SLC25A26: variants seen among roughly 807,000 people sequenced by gnomAD.
SLC25A26 encodes the protein mitochondrial S-adenosylmethionine carrier protein.
In SLC25A26, 36 loss-of-function variants were observed where a neutral mutation model predicts 37.8. The ratio of observed to expected loss-of-function variants is 0.95; its 90% CI spans 0.73 to 1.26. The LOEUF is 1.26. SLC25A26 is among the 50% of genes most tolerant of loss of function. SLC25A26 has a pLI of 0.00. For missense variants in SLC25A26, 390 were observed against 331.1 expected, an observed-to-expected ratio of 1.18 and a Z score of -1.38; for synonymous variants, 129 against 122.5, an observed-to-expected ratio of 1.05 and a Z score of -0.35.
chr3:66,189,793 C>T (rs1373183666), intron 1 of SLC25A26, among the ~76,000 whole-genome samples: 1 of 152,070 alleles, frequency 6.6e-6, no homozygotes, highest in Non-Finnish European at 1.5e-5. Flanking sequence ...TCCTGAGTGG[C>T]TGGGACTACA....
At chr3:66,356,161 G>T (rs2076570813) in intron 6 of SLC25A26, 4 of 442,392 alleles carry the variant, frequency 9.0e-6, no homozygotes, top group South Asian at 4.9e-5. Flanking sequence ...TATTTGGGTG[G>T]GTCTTTTAAA....
intron 6 of SLC25A26, among the ~76,000 whole-genome samples, chr3:66,357,865 A>G (rs2076612459): frequency 6.6e-6 from 1 of 152,212 alleles, no homozygotes; most frequent in Non-Finnish European, 1.5e-5. Context: ...AGGACGAACC[A>G]GCCTCAGTTT....
At chr3:66,262,186 T>C in intron 4 of SLC25A26, 31 bp downstream of exon 4, 1 of 1,182,004 alleles carries the variant, frequency 8.5e-7, no homozygotes, top group Middle Eastern at 1.9e-4. Flanking sequence ...TCTTCTTTTC[T>C]TTATTAAGAT....
intron 7 of SLC25A26, among the ~76,000 whole-genome samples, chr3:66,363,134 T>C (rs772744922): frequency 6.6e-6 from 1 of 151,980 alleles, no homozygotes; most frequent in Non-Finnish European, 1.5e-5. Context: ...ACAACCAATT[T>C]GTTTTTGACA....
Position 66,221,050 on chromosome 3 carries a change from T to C in SLC25A26, c.-45T>C. ...CCCAGCGCGCGAGGACGTGATCCGC[T>C]TCTGCTCCGGCTTGGATTGTAGCCT... On this transcript the variant is annotated 5_prime_UTR_variant, in exon 1 of 10. Coordinates refer to ENST00000354883, the MANE Select transcript of SLC25A26 (RefSeq NM_001379210.1). 2.0e-6 allele frequency: 3 copies of C among 1,535,242 alleles called. No individual in the cohort carries two copies. Among genetic ancestry groups the C allele is most frequent in the Non-Finnish European group, 2.6e-6 (3 of 1,145,626 alleles).
At chr3:66,237,674 G>C (rs1293981015) in intron 2 of SLC25A26, among the ~76,000 whole-genome samples, 1 of 152,148 alleles carries the variant, frequency 6.6e-6, no homozygotes, top group East Asian at 1.9e-4. Context: ...TCTGCTTCTT[G>C]GTATACTGTT....
chr3:66,353,474 A>G (rs776830817), intron 6 of SLC25A26, among the ~76,000 whole-genome samples: 12 of 152,362 alleles, frequency 7.9e-5, no homozygotes, highest in South Asian at 4.1e-4. Context: ...GTTCAGATCT[A>G]ACTCCAGACT....
intron 6 of SLC25A26, chr3:66,355,904 A>G (rs2076563625): frequency 2.4e-6 from 1 of 425,292 alleles, no homozygotes; most frequent in South Asian, 1.7e-5. Flanking sequence ...ACTAAGCATT[A>G]TCCTTTCCAT....
At chr3:66,355,955 G>C (rs2076564653) in intron 6 of SLC25A26, 2 of 449,594 alleles carry the variant, frequency 4.4e-6, no homozygotes, top group African/African-American at 4.0e-5. Context: ...ATTTGGAATT[G>C]AGTAGATGAT....
rs536896595 is a variant in SLC25A26 at position 66,275,351 on chromosome 3, GTAAC to G, written c.453+11977_453+11980del. ...ACCAGCATGGCACATGTATACATAT[GTAAC>G]TAACCTGCACATTGTGCACATGTAC... On this transcript the variant is annotated intron_variant, in intron 5 of 9. Transcript: ENST00000354883. Among the ~76,000 whole-genome samples the G allele has an allele frequency of 7.6e-4, 116 of 152,024 alleles. 1 individual carries two copies. The East Asian group carries it at 0.017, about 22-fold the overall frequency.
At chr3:66,258,212 C>A (rs949219145) in intron 3 of SLC25A26, among the ~76,000 whole-genome samples, 1 of 152,042 alleles carries the variant, frequency 6.6e-6, no homozygotes, top group Admixed American at 6.5e-5. Flanking sequence ...GAGATGTCTG[C>A]GGGGGAAATC....
intron 5 of SLC25A26, among the ~76,000 whole-genome samples, chr3:66,335,749 C>A (rs1256132563): frequency 6.6e-6 from 1 of 152,174 alleles, no homozygotes; most frequent in Non-Finnish European, 1.5e-5. Context: ...CTCTTCTATT[C>A]CTCAGCCCCT....
At chr3:66,222,908 A>G (rs1553659085) in intron 1 of SLC25A26, among the ~76,000 whole-genome samples, 1 of 152,074 alleles carries the variant, frequency 6.6e-6, no homozygotes, top group Non-Finnish European at 1.5e-5. Context: ...CTTTTTTCCC[A>G]ATGTATTTAT....
intron 5 of SLC25A26, among the ~76,000 whole-genome samples, chr3:66,310,466 T>G (rs1429469678): frequency 2.0e-5 from 3 of 152,184 alleles, no homozygotes; most frequent in Non-Finnish European, 4.4e-5. Context: ...GCCAGTCTGT[T>G]TCTTTTAACT....
rs376598212 is a variant in SLC25A26, at chr3:66,263,410, C to T, written c.453+31C>T. On this transcript the variant is annotated intron_variant, in intron 5 of 9. Transcript: ENST00000354883. ...TCACTTACTTTCCAATATTGAAGTACGAAAGAATGATGTCCTTTGTTCAGT... is the reference window on the plus strand; with the variant it reads ...TCACTTACTTTCCAATATTGAAGTATGAAAGAATGATGTCCTTTGTTCAGT... 4.7e-5 allele frequency: 67 copies of T among 1,419,636 alleles called. No individual in the cohort carries two copies. The Middle Eastern group carries it at 7.0e-4, about 15-fold the overall frequency. The allele number at this position is 1,419,636 out of a possible 1,614,324, so 87.9% of individuals were successfully genotyped here. A position where few individuals can be genotyped will look rare whatever the true frequency, so the allele number is the denominator to read the frequency against.
At chr3:66,345,173 T>C (rs332360) in intron 5 of SLC25A26, among the ~76,000 whole-genome samples, 19,133 of 152,046 alleles carry the variant, frequency 0.13, 2,333 homozygotes, top group African/African-American at 0.32. Context: ...CGCATGACTC[T>C]CCTCCCTAGC....
chr3:66,134,223 C>T (rs1202454481), intron 1 of SLC25A26, among the ~76,000 whole-genome samples: 1 of 152,204 alleles, frequency 6.6e-6, no homozygotes, highest in East Asian at 1.9e-4. Flanking sequence ...CACTTTATTA[C>T]ATGGCCGCAG....
chr3:66,208,001 T>C, intron 1 of SLC25A26, among the ~76,000 whole-genome samples: 1 of 152,214 alleles, frequency 6.6e-6, no homozygotes, highest in South Asian at 2.1e-4. Flanking sequence ...CAGTGTTCTC[T>C]AAATACTAAC....
intron 5 of SLC25A26, among the ~76,000 whole-genome samples, chr3:66,323,644 A>T (rs374230775): frequency 1.1e-4 from 16 of 152,070 alleles, no homozygotes; most frequent in African/African-American, 3.9e-4. Context: ...CTGTCTCTAC[A>T]AAAAGAAAAA....
Sources: allele counts gnomAD v4.1 joint callset (sites outside exome capture counted in the v4.1 genomes callset), GRCh38; gene constraint gnomAD v4.1.1; transcripts MANE v1.5; gene names NCBI Gene and HGNC (gene_info 2026-07-23, HGNC 2026-07-21).